MYO5A: variants seen among roughly 807,000 people sequenced by gnomAD.
MYO5A encodes the protein myosin VA.
A neutral mutation model predicts 249.7 loss-of-function variants in MYO5A; 98 were observed. The ratio of observed to expected loss-of-function variants is 0.39; its 90% CI spans 0.33 to 0.46. The LOEUF (loss-of-function observed/expected upper bound fraction) is 0.46. MYO5A is among the 20% of genes least tolerant of loss of function. MYO5A has a pLI of 0.98. For synonymous variants in MYO5A, 778 were observed against 810.6 expected (o/e 0.96, Z 0.68); for missense variants, 1,696 against 2,308.8 (o/e 0.73, Z 5.44).
At position 52,392,071 on chromosome 15, in the gene MYO5A, C is replaced by A; in HGVS notation, c.1402-1G>T. On this transcript the variant is annotated splice_acceptor_variant, in intron 11 of 41. Transcript: ENST00000399233. LOFTEE classifies it high-confidence loss of function. ...CTTCTTGCTCCAATTTGAAGACATGCTGAAATGAAAAAGAAAAAAAGCAGT... is the reference window on the plus strand; with the variant it reads ...CTTCTTGCTCCAATTTGAAGACATGATGAAATGAAAAAGAAAAAAAGCAGT... 1 of 1,609,400 alleles carries A rather than the reference C, an allele frequency of 6.2e-7. No individual in the cohort carries two copies. Among genetic ancestry groups the A allele is most frequent in the Middle Eastern group, 1.7e-4 (1 of 5,978 alleles).
At chr15:52,368,883 C>T (rs2040951273) in intron 22 of MYO5A, among the ~76,000 whole-genome samples, 1 of 152,182 alleles carries the variant, frequency 6.6e-6, no homozygotes, top group African/African-American at 2.4e-5. Flanking sequence ...GGAGAATCTT[C>T]CCACCACACT....
chr15:52,370,476 T>C (rs2041046944), intron 21 of MYO5A, 59 bp from the exon 22 acceptor site: 1 of 1,522,182 alleles, frequency 6.6e-7, no homozygotes, highest in South Asian at 1.1e-5. Flanking sequence ...ATGTATTTAG[T>C]AAGAAAACCA....
intron 35 of MYO5A, among the ~76,000 whole-genome samples, chr15:52,328,724 G>A (rs2140952014): frequency 6.6e-6 from 1 of 152,318 alleles, no homozygotes; most frequent in South Asian, 2.1e-4. Flanking sequence ...CTCATGTCAA[G>A]CATTTATAAA....
intron 36 of MYO5A, 136 bp downstream of exon 36, chr15:52,327,712 AATAG>A: frequency 1.1e-6 from 1 of 908,086 alleles, no homozygotes; most frequent in South Asian, 1.3e-5. Context: ...CCTGTCTCAA[AATAG>A]ATAGGTAAGT....
intron 11 of MYO5A, 69 bp downstream of exon 11, chr15:52,396,247 T>A (rs1184092296): frequency 1.0e-6 from 1 of 980,026 alleles, no homozygotes; most frequent in East Asian, 2.6e-5. Context: ...GGATAAGCTT[T>A]TAAACAAAGA....
chr15:52,430,929 A>AT (rs1042178709), intron 2 of MYO5A, among the ~76,000 whole-genome samples: 6 of 151,764 alleles, frequency 4.0e-5, no homozygotes, highest in Admixed American at 6.6e-5. Context: ...CACGGGTTTT[A>AT]TTTTTTTTAA....
intron 1 of MYO5A, among the ~76,000 whole-genome samples, chr15:52,494,581 C>G (rs1023166249): frequency 6.6e-6 from 1 of 152,232 alleles, no homozygotes; most frequent in Non-Finnish European, 1.5e-5. Context: ...CATTCTCCCC[C>G]TCCTGGCTTT....
At chr15:52,474,098 T>A (rs2076537368) in intron 1 of MYO5A, among the ~76,000 whole-genome samples, 1 of 152,228 alleles carries the variant, frequency 6.6e-6, no homozygotes, top group Admixed American at 6.5e-5. Context: ...CTTGAAGAGG[T>A]CCTTCATGTC....
chr15:52,378,480 T>TGTACTCCA (rs1194332807), intron 18 of MYO5A, among the ~76,000 whole-genome samples: 11 of 94,448 alleles, frequency 1.2e-4, no homozygotes, highest in Non-Finnish European at 2.1e-4. Context: ...GAGATGCCAC[T>TGTACTCCA]GTACTCCAGC....
intron 1 of MYO5A, among the ~76,000 whole-genome samples, chr15:52,492,420 C>T (rs2141543190): frequency 6.6e-6 from 1 of 152,330 alleles, no homozygotes; most frequent in South Asian, 2.1e-4. Flanking sequence ...TGCTGTCTAC[C>T]AGAGAGGCTC....
At chr15:52,507,781 G>C (rs1336978724) in intron 1 of MYO5A, among the ~76,000 whole-genome samples, 1 of 129,722 alleles carries the variant, frequency 7.7e-6, no homozygotes, top group Non-Finnish European at 1.6e-5. Flanking sequence ...TCTAGCCTGA[G>C]CAACAGAATG....
chr15:52,443,759 T>C (rs557581170), intron 1 of MYO5A, among the ~76,000 whole-genome samples: 8 of 150,260 alleles, frequency 5.3e-5, no homozygotes, highest in South Asian at 2.1e-4. Context: ...GGCGGGTGGA[T>C]TGTCTGAGCT....
rs2038685208 is a variant in MYO5A, at chr15:52,327,898, C to T, written c.4664G>A (p.Arg1555Lys). ...GTTAATTGTTGATGTTAGCAACGAC[C>T]TTACTTTCTGATCATCATTCAGGTA... Reference protein sequence around the residue: ...ADYLNDDQKVRSLLTSTINSI... With the variant: ...ADYLNDDQKVKSLLTSTINSI... The change falls in exon 36 of 42, where the codon AGG (arginine) becomes AAG (lysine). Residue 1555 changes from arginine to lysine, a missense_variant. Arg to Lys is a conservative substitution (Grantham distance 26). This residue lies in a region of MYO5A where 625 missense variants were observed against 908.1 expected (regional missense o/e 0.69). Transcript: ENST00000399233. 1 of 1,613,814 alleles carries T rather than the reference C, an allele frequency of 6.2e-7. No individual in the cohort carries two copies. The highest frequency in any genetic ancestry group is 8.5e-7 in the Non-Finnish European group (1 of 1,179,864).
At chr15:52,327,823 G>A (rs769507117) in intron 36 of MYO5A, 29 bp downstream of exon 36, 24 of 1,592,758 alleles carry the variant, frequency 1.5e-5, no homozygotes, top group Non-Finnish European at 2.0e-5. Context: ...AACAATTCAT[G>A]ATGAGAATTT....
chr15:52,369,477 T>C (rs2040988390), intron 22 of MYO5A, among the ~76,000 whole-genome samples: 1 of 152,226 alleles, frequency 6.6e-6, no homozygotes, highest in South Asian at 2.1e-4. Flanking sequence ...TTTTGATATG[T>C]TAATACAAAT....
chr15:52,414,717 A>G (rs549249802), intron 5 of MYO5A, among the ~76,000 whole-genome samples: 1 of 152,206 alleles, frequency 6.6e-6, no homozygotes, highest in Non-Finnish European at 1.5e-5. Flanking sequence ...AAACCAGTCA[A>G]AACAACAACA....
chr15:52,356,839 A>AAT (rs2141036595), intron 25 of MYO5A, among the ~76,000 whole-genome samples: 1 of 126,608 alleles, frequency 7.9e-6, no homozygotes, highest in South Asian at 2.4e-4. Context: ...ATTGTATATT[A>AAT]ATTAGCTACC....
intron 4 of MYO5A, among the ~76,000 whole-genome samples, chr15:52,421,401 T>C (rs1418219710): frequency 2.0e-5 from 3 of 152,240 alleles, no homozygotes; most frequent in Admixed American, 6.5e-5. Context: ...ATGATGACTA[T>C]GATGATAAGA....
At chr15:52,523,477 C>T (rs1360621892) in intron 1 of MYO5A, among the ~76,000 whole-genome samples, 1 of 152,190 alleles carries the variant, frequency 6.6e-6, no homozygotes, top group African/African-American at 2.4e-5. Flanking sequence ...TTCTGTGTAA[C>T]ACTGGGCTAG....
Sources: gnomAD v4.1 joint callset for allele counts (sites outside exome capture counted in the v4.1 genomes callset) on GRCh38, gnomAD v4.1.1 for gene constraint, gnomAD v4.1.1 regional missense constraint, MANE v1.5 for transcripts, NCBI Gene and HGNC (gene_info 2026-07-23, HGNC 2026-07-21) for gene names.